Variants in VPS35L observed in about 807,000 individuals in gnomAD.
The protein encoded by VPS35L is VPS35 endosomal protein sorting factor like.
In VPS35L, 83 loss-of-function variants were observed where a neutral mutation model predicts 133.0. The observed-to-expected ratio is 0.62, with a 90% CI of 0.52 to 0.75. VPS35L has a LOEUF of 0.75. VPS35L is among the 30% of genes least tolerant of loss of function. The pLI is 0.00. For missense variants in VPS35L, 1,083 were observed against 1,206.8 expected (o/e 0.90, Z 1.52); for synonymous variants, 423 against 449.9 (o/e 0.94, Z 0.76).
chr16:19,650,309 A>G, intron 24 of VPS35L, 73 bp from the exon 25 acceptor site: 1 of 1,210,954 alleles, frequency 8.3e-7, no homozygotes, highest in South Asian at 1.2e-5. Context: ...GTTAATGTTG[A>G]GATCTCTATG....
rs942862479 is a variant in VPS35L at position 19,633,873 on chromosome 16, C to T, written c.1635+701C>T. The stretch of plus-strand genomic sequence containing the variant: ...TTCCGAGTAGCTGGGACTACAGGGG[C>T]GTGCCACCACGCCTGGCTAATTTTT... On this transcript the variant is annotated intron_variant, in intron 19 of 30. Coordinates refer to ENST00000417362, the MANE Select transcript of VPS35L (RefSeq NM_020314.7). The surrounding 1 kb of genome is among the most constrained non-coding windows in gnomAD (Gnocchi z 4.1). Among the ~76,000 whole-genome samples the T allele has an allele frequency of 5.9e-5, 9 of 152,110 alleles. No homozygotes were observed. Among genetic ancestry groups the T allele is most frequent in the African/African-American group, 2.2e-4 (9 of 41,508 alleles).
intron 15 of VPS35L, among the ~76,000 whole-genome samples, 192 bp downstream of exon 15, chr16:19,626,415 G>C (rs571902885): frequency 1.2e-4 from 18 of 152,246 alleles, no homozygotes; most frequent in African/African-American, 3.8e-4. Context: ...ACCTTGGGCC[G>C]CTTGCTTGAC....
intron 29 of VPS35L, chr16:19,694,487 T>G (rs1437353223): frequency 3.3e-5 from 5 of 151,846 alleles, no homozygotes; most frequent in Non-Finnish European, 7.4e-5. Flanking sequence ...TGATTTCTTT[T>G]CTTTTTTTTT....
rs1972673546 is a variant in VPS35L at position 19,610,343 on chromosome 16, C to T, written c.951C>T (p.Pro317=). 1 of 1,614,016 alleles carries T rather than the reference C, an allele frequency of 6.2e-7. No homozygotes were observed. Among genetic ancestry groups the T allele is most frequent in the Non-Finnish European group, 8.5e-7 (1 of 1,179,982 alleles). Residue 317 remains proline (P), a synonymous_variant, in exon 12 of 31, where the codon CCC becomes CCT. Coordinates refer to ENST00000417362, the MANE Select transcript of VPS35L (RefSeq NM_020314.7). ...GCAGGGGAATTTCAGAGTGCCTGCC[C>T]CGGTTGACATGCATGATCAGAGGGA... ...LSKTGISECL[P]RLTCMIRGIG...
intron 9 of VPS35L, among the ~76,000 whole-genome samples, chr16:19,602,680 G>T (rs977249993): frequency 6.6e-6 from 1 of 152,066 alleles, no homozygotes; most frequent in Non-Finnish European, 1.5e-5. Flanking sequence ...TTGGCTCGCT[G>T]CAGCCTTCGC....
rs201807727 is a variant in VPS35L at position 19,630,326 on chromosome 16, G to GTTTT, written c.1554+528_1554+531dup. Among the ~76,000 whole-genome samples the GTTTT allele has an allele frequency of 2.8e-3, 295 of 106,540 alleles. 6 individuals are homozygous for GTTTT. Among genetic ancestry groups the GTTTT allele is most frequent in the Middle Eastern group, 0.014 (2 of 144 alleles). 69.9% of individuals were successfully genotyped at this position (106,540 alleles called of 152,430 possible). A position where few individuals can be genotyped will look rare whatever the true frequency, so the allele number is the denominator to read the frequency against. ...TGTTTATTTTAATCAAGTCCTAAAAGTTTTTTTTTTTTTTTTTTTTTTTTT... is the reference window on the plus strand; with the variant it reads ...TGTTTATTTTAATCAAGTCCTAAAAGTTTTTTTTTTTTTTTTTTTTTTTTTTTTT... On this transcript the variant is annotated intron_variant, in intron 18 of 30. Coordinates refer to ENST00000417362, the MANE Select transcript of VPS35L (RefSeq NM_020314.7).
chr16:19,634,889 A>G (rs1156633290), intron 19 of VPS35L, among the ~76,000 whole-genome samples: 1 of 152,210 alleles, frequency 6.6e-6, no homozygotes, highest in East Asian at 1.9e-4. Flanking sequence ...CCAGTTAATG[A>G]GAGTTCATCT....
At position 19,633,472 on chromosome 16, in the gene VPS35L, GT is replaced by G. The variant is rs1328419247; in HGVS notation, c.1635+301del. ...CTCAATAAGCGTTGTCTTCATTGTT[GT>G]CACCAGTAAGTAAACTGCGAGTATT... On this transcript the variant is annotated intron_variant, in intron 19 of 30. Coordinates refer to ENST00000417362, the MANE Select transcript of VPS35L (RefSeq NM_020314.7). The surrounding 1 kb of genome is among the most constrained non-coding windows in gnomAD (Gnocchi z 4.1). Among the ~76,000 whole-genome samples, 1 of 152,154 alleles carries G rather than the reference GT, an allele frequency of 6.6e-6. No individual in the cohort carries two copies. The highest frequency in any genetic ancestry group is 1.5e-5 in the Non-Finnish European group (1 of 68,030).
chr16:19,574,406 A>T (rs556054185), intron 4 of VPS35L, among the ~76,000 whole-genome samples: 1 of 152,304 alleles, frequency 6.6e-6, no homozygotes, highest in East Asian at 1.9e-4. Flanking sequence ...TGGGCCACGC[A>T]TAGATGCAGG....
intron 26 of VPS35L, among the ~76,000 whole-genome samples, chr16:19,666,431 G>GATTTGATTTCTA (rs1974665463): frequency 1.3e-5 from 2 of 152,276 alleles, no homozygotes; most frequent in East Asian, 3.9e-4. Context: ...CATGGGGTAG[G>GATTTGATTTCTA]ATTTGATTTC....
rs757394375 is a variant in VPS35L at position 19,651,992 on chromosome 16, G to C, written c.2123G>C (p.Cys708Ser). 6.2e-7 allele frequency: 1 copy of C among 1,611,174 alleles called. No homozygotes were observed. Among genetic ancestry groups the C allele is most frequent in the Non-Finnish European group, 8.5e-7 (1 of 1,177,648 alleles). The change falls in exon 26 of 31, where the codon TGC (cysteine) becomes TCC (serine). Residue 708 changes from cysteine (C) to serine (S), a missense_variant. Transcript: ENST00000417362. ...AAFVRACVAY[C>S]FITIPSLAGI... is the part of the protein sequence containing the mutation. ...TTCTCCTAGGCCTGTGTTGCCTACTGCTTCATCACCATCCCCTCCCTGGCG... is the reference window on the plus strand; with the variant it reads ...TTCTCCTAGGCCTGTGTTGCCTACTCCTTCATCACCATCCCCTCCCTGGCG...
intron 18 of VPS35L, among the ~76,000 whole-genome samples, chr16:19,631,831 C>T (rs1175006761): frequency 1.3e-5 from 2 of 152,212 alleles, no homozygotes; most frequent in African/African-American, 4.8e-5. Flanking sequence ...GCCTCAGCCT[C>T]CCGAGTGGCT....
chr16:19,624,407 A>T (rs1182618210), intron 14 of VPS35L, among the ~76,000 whole-genome samples: 1 of 151,324 alleles, frequency 6.6e-6, no homozygotes, highest in Non-Finnish European at 1.5e-5. Context: ...ACAGGGTGAA[A>T]CCCCATCTCT....
chr16:19,563,045 G>C (rs150871900), intron 1 of VPS35L, among the ~76,000 whole-genome samples: 1 of 151,986 alleles, frequency 6.6e-6, no homozygotes, highest in African/African-American at 2.4e-5. Context: ...GATTACAGGC[G>C]TGAGCCACCA....
chr16:19,647,980 G>A (rs1422823052), intron 24 of VPS35L, 98 bp downstream of exon 24: 2 of 1,108,058 alleles, frequency 1.8e-6, no homozygotes, highest in Non-Finnish European at 2.7e-6. Flanking sequence ...TAGAGACAGG[G>A]TCTCACTCTG....
chr16:19,620,902 G>GATC (rs1047608764), intron 14 of VPS35L, among the ~76,000 whole-genome samples: 1 of 152,114 alleles, frequency 6.6e-6, no homozygotes, highest in Admixed American at 6.6e-5. Context: ...AGTGAGCCAA[G>GATC]ATCACACCAG....
chr16:19,637,472 A>G (rs2151574700), intron 19 of VPS35L, 122 bp from the exon 20 acceptor site: 1 of 634,964 alleles, frequency 1.6e-6, no homozygotes, highest in East Asian at 2.9e-5. Context: ...ATAATTGCAA[A>G]TTATGAAAGG....
Position 19,650,458 on chromosome 16 carries a change from G to A in VPS35L, c.2105G>A (p.Arg702Gln), listed in dbSNP as rs776539598. The A allele has an allele frequency of 2.4e-5, 38 of 1,612,500 alleles. No homozygotes were observed. In the Admixed American group the frequency reaches 4.5e-4, roughly 19 times the overall value. ...TCCAGAAAGACAGCTGCATTTGTCC[G>A]GGTATGTTCTTAAGATAAGGACTGT... ...NHSRKTAAFV[R>Q]ACVAYCFITI... Residue 702 changes from arginine to glutamine, a missense_variant and splice_region_variant, in exon 25 of 31, where the codon CGG becomes CAG. By Grantham distance (43) the Arg-to-Gln change is conservative. Transcript: ENST00000417362.
chr16:19,700,477 C>G lies in VPS35L; in HGVS notation c.*1C>G, dbSNP rs546370021. ...ACTCCCTCTGCAAACAAGGACCTGACCCCCGGGCCCATCCCCAGGCTCAGG... is the reference window on the plus strand; with the variant it reads ...ACTCCCTCTGCAAACAAGGACCTGAGCCCCGGGCCCATCCCCAGGCTCAGG... On this transcript the variant is annotated 3_prime_UTR_variant, in exon 31 of 31. Coordinates refer to ENST00000417362, the MANE Select transcript of VPS35L (RefSeq NM_020314.7). 69 of 1,612,716 alleles carry G rather than the reference C, an allele frequency of 4.3e-5. No individual in the cohort carries two copies. Among genetic ancestry groups the G allele is most frequent in the Non-Finnish European group, 5.9e-5 (69 of 1,178,696 alleles).
Sources: gnomAD v4.1 joint callset for allele counts (sites outside exome capture counted in the v4.1 genomes callset) on GRCh38, gnomAD v4.1.1 for gene constraint, Gnocchi (gnomAD v3.1) non-coding constraint, MANE v1.5 for transcripts, NCBI Gene and HGNC (gene_info 2026-07-23, HGNC 2026-07-21) for gene names.